The following SPOCK3 variants were observed in gnomAD, a reference collection of about 807,000 sequenced individuals.
SPOCK3 encodes the protein SPARC (osteonectin), cwcv and kazal like domains proteoglycan 3.
Under a neutral mutation model 56.6 loss-of-function variants are expected in SPOCK3, and 30 were observed. The ratio of observed to expected loss-of-function variants is 0.53; its 90% CI spans 0.40 to 0.72. SPOCK3 has a LOEUF of 0.72. Among genes scored for constraint, SPOCK3 ranks in the 30% least tolerant of loss-of-function variants. SPOCK3 has a pLI of 0.00. For synonymous variants in SPOCK3, 196 were observed against 183.3 expected (o/e 1.07, Z -0.56); for missense variants, 527 against 530.0 (o/e 0.99, Z 0.06).
intron 9 of SPOCK3, among the ~76,000 whole-genome samples, chr4:166,739,931 C>T (rs564380347): frequency 2.0e-5 from 3 of 152,040 alleles, no homozygotes; most frequent in Non-Finnish European, 4.4e-5. Flanking sequence ...GACAGAATAT[C>T]ATTAACTTCA....
intron 2 of SPOCK3, among the ~76,000 whole-genome samples, chr4:167,206,482 A>G (rs1389735843): frequency 1.3e-5 from 2 of 150,414 alleles, no homozygotes; most frequent in African/African-American, 2.5e-5. Context: ...TTCAAAATAT[A>G]TAAGAATTAC....
intron 2 of SPOCK3, among the ~76,000 whole-genome samples, chr4:167,202,492 C>T (rs1452740147): frequency 6.6e-6 from 1 of 151,996 alleles, no homozygotes; most frequent in East Asian, 1.9e-4. Context: ...ACTTGCTATA[C>T]CTGGGATTGG....
intron 2 of SPOCK3, among the ~76,000 whole-genome samples, chr4:167,223,968 T>C (rs928676607): frequency 6.6e-6 from 1 of 152,118 alleles, no homozygotes; most frequent in Non-Finnish European, 1.5e-5. Context: ...ACCATCATCA[T>C]TCTCTACAGC....
At chr4:167,014,765 TCACACACACACA>T (rs145127893) in intron 3 of SPOCK3, among the ~76,000 whole-genome samples, 2 of 149,566 alleles carry the variant, frequency 1.3e-5, no homozygotes, top group Non-Finnish European at 3.0e-5. Flanking sequence ...ATACACACAC[TCACACACACACA>T]CACACCCCTA....
chr4:166,831,482 T>A (rs542649902), intron 6 of SPOCK3, among the ~76,000 whole-genome samples: 1 of 152,132 alleles, frequency 6.6e-6, no homozygotes, highest in East Asian at 1.9e-4. Flanking sequence ...AAAAAAGATA[T>A]ACGGCTATTC....
At chr4:166,943,876 T>G (rs1175675348) in intron 4 of SPOCK3, among the ~76,000 whole-genome samples, 1 of 152,182 alleles carries the variant, frequency 6.6e-6, no homozygotes, top group Non-Finnish European at 1.5e-5. Context: ...CCACGCACAG[T>G]GGCTCCTGCC....
At chr4:166,949,776 A>G (rs1742289716) in intron 4 of SPOCK3, among the ~76,000 whole-genome samples, 1 of 152,196 alleles carries the variant, frequency 6.6e-6, no homozygotes, top group Non-Finnish European at 1.5e-5. Context: ...GTGGGGGCCA[A>G]TATTCAGCAT....
intron 7 of SPOCK3, among the ~76,000 whole-genome samples, chr4:166,773,400 GC>G (rs1264565689): frequency 6.6e-6 from 1 of 151,296 alleles, no homozygotes; most frequent in Non-Finnish European, 1.5e-5. Context: ...AAAAACTGAT[GC>G]TTTATTTTGC....
At chr4:167,049,907 A>C (rs959074041) in intron 3 of SPOCK3, among the ~76,000 whole-genome samples, 2 of 152,168 alleles carry the variant, frequency 1.3e-5, no homozygotes, top group African/African-American at 4.8e-5. Context: ...TTGAGAAATA[A>C]ACCAGGTAAG....
intron 4 of SPOCK3, among the ~76,000 whole-genome samples, chr4:166,937,616 A>G (rs924568582): frequency 1.3e-5 from 2 of 149,372 alleles, no homozygotes; most frequent in Non-Finnish European, 3.0e-5. Context: ...CAGTTGAGCT[A>G]AAAGAGAAAT....
intron 7 of SPOCK3, among the ~76,000 whole-genome samples, chr4:166,763,656 G>A (rs950988495): frequency 1.3e-5 from 2 of 152,076 alleles, no homozygotes; most frequent in African/African-American, 2.4e-5. Context: ...GTGTGTGCTG[G>A]GGTAGGGAGG....
chr4:167,012,931 A>T (rs1033617277), intron 3 of SPOCK3, among the ~76,000 whole-genome samples: 1 of 152,014 alleles, frequency 6.6e-6, no homozygotes, highest in Admixed American at 6.6e-5. Flanking sequence ...TGAGCAGCAT[A>T]GAAAGTAGAG....
intron 2 of SPOCK3, among the ~76,000 whole-genome samples, chr4:167,229,341 C>A (rs937659200): frequency 6.6e-6 from 1 of 152,074 alleles, no homozygotes; most frequent in African/African-American, 2.4e-5. Context: ...ATAATCAAGG[C>A]ACATCATAAA....
intron 6 of SPOCK3, among the ~76,000 whole-genome samples, chr4:166,831,913 GC>G (rs753030020): frequency 3.6e-4 from 54 of 151,492 alleles, no homozygotes; most frequent in Admixed American, 5.3e-4. Flanking sequence ...ATCTGTTCAT[GC>G]TTTTTGTCTT....
intron 2 of SPOCK3, among the ~76,000 whole-genome samples, chr4:167,230,066 CTAAGT>C (rs759153498): frequency 1.2e-4 from 18 of 151,782 alleles, no homozygotes; most frequent in Non-Finnish European, 2.4e-4. Context: ...CCTCTTTTTT[CTAAGT>C]TTTTATTATA....
chr4:167,065,739 T>A (rs558359929), intron 2 of SPOCK3, among the ~76,000 whole-genome samples: 1 of 152,004 alleles, frequency 6.6e-6, no homozygotes, highest in Admixed American at 6.6e-5. Flanking sequence ...TTTGCCAGGA[T>A]GAGAAATAAA....
intron 2 of SPOCK3, among the ~76,000 whole-genome samples, chr4:167,185,479 T>C (rs1371309839): frequency 6.6e-6 from 1 of 152,164 alleles, no homozygotes; most frequent in Non-Finnish European, 1.5e-5. Context: ...CTCATTCCTC[T>C]GCCTTCTTCC....
At chr4:167,039,971 G>T (rs536086925) in intron 3 of SPOCK3, among the ~76,000 whole-genome samples, 50 of 152,142 alleles carry the variant, frequency 3.3e-4, no homozygotes, top group African/African-American at 7.2e-4. Flanking sequence ...ATCTGAAAAT[G>T]TTGCCTTTGG....
intron 2 of SPOCK3, among the ~76,000 whole-genome samples, chr4:167,192,246 T>C (rs562968856): frequency 1.4e-5 from 2 of 146,192 alleles, no homozygotes; most frequent in Non-Finnish European, 1.5e-5. Flanking sequence ...TTTTCTTTTA[T>C]TGTAATTTCC....
Sources: gnomAD v4.1 joint callset for allele counts (sites outside exome capture counted in the v4.1 genomes callset) on GRCh38, gnomAD v4.1.1 for gene constraint, MANE v1.5 for transcripts, NCBI Gene and HGNC (gene_info 2026-07-23, HGNC 2026-07-21) for gene names.